COL19A1: variants seen among roughly 807,000 people sequenced by gnomAD.
COL19A1 encodes the protein collagen alpha-1(XIX) chain.
In COL19A1, 159 loss-of-function variants were observed where a neutral mutation model predicts 190.2. That is an observed-to-expected ratio of 0.84 (90% CI 0.73 to 0.95). The LOEUF (loss-of-function observed/expected upper bound fraction) is 0.95. Ranked by LOEUF, COL19A1 falls within the 40% of genes least tolerant of loss-of-function variation. The probability of loss-of-function intolerance (pLI) is 0.00; values close to 1 mark genes in which losing one functional copy is unlikely to be tolerated. For synonymous variants in COL19A1, 509 were observed against 458.9 expected (o/e 1.11, Z -1.39); for missense variants, 1,418 against 1,431.9 (o/e 0.99, Z 0.16).
At chr6:70,036,593 T>C (rs1249267738) in intron 14 of COL19A1, among the ~76,000 whole-genome samples, 1 of 152,178 alleles carries the variant, frequency 6.6e-6, no homozygotes, top group Non-Finnish European at 1.5e-5. Context: ...CAGACTTTTT[T>C]CATAGGTGAT....
chr6:69,963,218 C>T (rs1025023350), intron 11 of COL19A1, among the ~76,000 whole-genome samples: 6 of 152,070 alleles, frequency 3.9e-5, no homozygotes, highest in African/African-American at 1.4e-4. Context: ...TTATGTACAA[C>T]TGGTTTATCA....
intron 15 of COL19A1, among the ~76,000 whole-genome samples, chr6:70,071,487 A>G (rs535193413): frequency 8.5e-5 from 13 of 152,260 alleles, no homozygotes; most frequent in East Asian, 5.8e-4. Context: ...GTTCTGTGAC[A>G]ATATGTATCT....
intron 11 of COL19A1, among the ~76,000 whole-genome samples, chr6:69,984,850 T>C (rs757978370): frequency 6.6e-6 from 1 of 152,204 alleles, no homozygotes; most frequent in Non-Finnish European, 1.5e-5. Context: ...TGTTTGAATG[T>C]TGCTCGGGAG....
At chr6:69,921,459 A>ATTCATATATTCATATATATTCATATATAT (rs1216997835) in intron 4 of COL19A1, among the ~76,000 whole-genome samples, 3 of 21,272 alleles carry the variant, frequency 1.4e-4, no homozygotes, top group South Asian at 2.4e-3. Context: ...TATCATATAT[A>ATTCATATATTCATATATATTCATATATAT]TCATATATAT....
chr6:70,171,940 A>C, intron 40 of COL19A1, 24 bp from the exon 41 acceptor site: 1 of 1,611,006 alleles, frequency 6.2e-7, no homozygotes, highest in Non-Finnish European at 8.5e-7. Context: ...TTGCTCCTGC[A>C]TTTCTTATGT....
At chr6:70,107,738 G>T (rs1784059635) in intron 16 of COL19A1, among the ~76,000 whole-genome samples, 1 of 152,150 alleles carries the variant, frequency 6.6e-6, no homozygotes, top group African/African-American at 2.4e-5. Context: ...GTCATGAAGA[G>T]ATCCAAAAGT....
At chr6:69,969,259 T>C (rs187424400) in intron 11 of COL19A1, among the ~76,000 whole-genome samples, 6 of 152,350 alleles carry the variant, frequency 3.9e-5, no homozygotes, top group Non-Finnish European at 5.9e-5. Context: ...TCCTAATTTT[T>C]CTTGTGAATA....
intron 2 of COL19A1, among the ~76,000 whole-genome samples, chr6:69,886,617 G>A (rs928994358): frequency 2.1e-5 from 3 of 141,286 alleles, no homozygotes; most frequent in African/African-American, 8.0e-5. Context: ...AAAGCAGTGC[G>A]TTTTTTTTTT....
intron 30 of COL19A1, 38 bp from the exon 31 acceptor site, chr6:70,151,359 A>G (rs1467083427): frequency 1.3e-6 from 2 of 1,599,364 alleles, no homozygotes; most frequent in East Asian, 2.2e-5. Flanking sequence ...GTGTTCATAT[A>G]TAAATGCATG....
chr6:70,120,122 T>C (rs183566122), intron 16 of COL19A1, among the ~76,000 whole-genome samples: 131 of 152,300 alleles, frequency 8.6e-4, no homozygotes, highest in African/African-American at 3.0e-3. Context: ...TTTGCTATTA[T>C]TATTTGACTG....
At chr6:70,131,151 C>T in intron 18 of COL19A1, 1 of 340,850 alleles carries the variant, frequency 2.9e-6, no homozygotes. Context: ...CCTTGGATTC[C>T]ATGTGAATGT....
In COL19A1 at chr6:69,960,219, T is replaced by C. The variant is rs2150044249; in HGVS notation, c.981+179T>C. The stretch of plus-strand genomic sequence containing the variant: ...AGCAATCCCCTCTTGAAGGGACCAT[T>C]CTAGGAGGAAGCTTTATCACAGAGC... On this transcript the variant is annotated intron_variant, in intron 10 of 50. Transcript: ENST00000620364. Among the ~76,000 whole-genome samples the C allele has an allele frequency of 2.0e-5, 3 of 152,324 alleles. No homozygotes were observed. In the South Asian group the frequency reaches 6.2e-4, roughly 32 times the overall value.
At chr6:70,053,482 G>A (rs1374621353) in intron 14 of COL19A1, among the ~76,000 whole-genome samples, 4 of 152,156 alleles carry the variant, frequency 2.6e-5, no homozygotes, top group African/African-American at 7.2e-5. Flanking sequence ...ACCTGAGCAT[G>A]TATGTAACAC....
chr6:69,900,050 T>C (rs1770066954), intron 3 of COL19A1, among the ~76,000 whole-genome samples, 189 bp from the exon 4 acceptor site: 1 of 152,184 alleles, frequency 6.6e-6, no homozygotes, highest in East Asian at 1.9e-4. Flanking sequence ...ACACGTTCTA[T>C]ATGCAAAGTG....
At chr6:69,984,205 T>C (rs1040905756) in intron 11 of COL19A1, among the ~76,000 whole-genome samples, 9 of 152,148 alleles carry the variant, frequency 5.9e-5, no homozygotes, top group South Asian at 2.1e-4. Flanking sequence ...ACATAAAATA[T>C]AGTGAAGTTT....
intron 2 of COL19A1, chr6:69,890,713 G>A (rs899394366): frequency 1.4e-4 from 21 of 152,156 alleles, no homozygotes; most frequent in African/African-American, 4.8e-4. Flanking sequence ...TGGGAATCCT[G>A]TATTTTATTA....
chr6:69,913,335 G>T lies in COL19A1; in HGVS notation c.266+12997G>T, dbSNP rs569520097. Among the ~76,000 whole-genome samples the T allele has an allele frequency of 3.7e-4, 57 of 152,224 alleles. 1 individual carries two copies. In the South Asian group the frequency reaches 9.9e-3, roughly 27 times the overall value. ...TCCCAAATGATAGTAAATATTATAT[G>T]CTAAACCCTGAGAATTTAAGGGTGA... On this transcript the variant is annotated intron_variant, in intron 4 of 50. Coordinates refer to ENST00000620364, the MANE Select transcript of COL19A1 (RefSeq NM_001858.6).
At chr6:69,955,083 C>G (rs1455854398) in intron 9 of COL19A1, among the ~76,000 whole-genome samples, 2 of 152,016 alleles carry the variant, frequency 1.3e-5, no homozygotes, top group Non-Finnish European at 2.9e-5. Flanking sequence ...ATAAGTATTT[C>G]TGTAGTATTT....
At chr6:69,949,407 C>T (rs764718329) in intron 9 of COL19A1, among the ~76,000 whole-genome samples, 1 of 151,692 alleles carries the variant, frequency 6.6e-6, no homozygotes. Context: ...AGTGTTTTCT[C>T]GCTTCTATAA....
Sources: gnomAD v4.1 joint callset for allele counts (sites outside exome capture counted in the v4.1 genomes callset) on GRCh38, gnomAD v4.1.1 for gene constraint, MANE v1.5 for transcripts, NCBI Gene and HGNC (gene_info 2026-07-23, HGNC 2026-07-21) for gene names.